BMAL2: variants seen among roughly 807,000 people sequenced by gnomAD.
BMAL2 encodes the protein basic helix-loop-helix ARNT-like protein 2.
chr12:27,347,256 A>G, the BMAL2 span, among the ~76,000 whole-genome samples: 1 of 152,150 alleles, frequency 6.6e-6, no homozygotes, highest in Admixed American at 6.5e-5. Context: ...TGGCTATTTT[A>G]TGTACATCAA....
At chr12:27,339,401 A>C in the BMAL2 span, among the ~76,000 whole-genome samples, 3 of 152,200 alleles carry the variant, frequency 2.0e-5, no homozygotes, top group African/African-American at 7.2e-5. Context: ...TGCTGTTGTG[A>C]ATAGTGCTGC....
chr12:27,410,187 C>T, the BMAL2 span, among the ~76,000 whole-genome samples: 2 of 152,054 alleles, frequency 1.3e-5, no homozygotes, highest in South Asian at 2.1e-4. Context: ...GTCAGTGTGG[C>T]GATTCCTCAG....
the BMAL2 span, among the ~76,000 whole-genome samples, chr12:27,367,511 C>G: frequency 2.0e-5 from 3 of 152,120 alleles, no homozygotes; most frequent in Admixed American, 6.5e-5. Flanking sequence ...AAAAAATTCT[C>G]AGAAGAAATA....
the BMAL2 span, among the ~76,000 whole-genome samples, chr12:27,388,354 T>A: frequency 6.6e-6 from 1 of 152,192 alleles, no homozygotes; most frequent in African/African-American, 2.4e-5. Flanking sequence ...CAGTTTTTTT[T>A]AGAATGAAAC....
chr12:27,337,155 C>T, the BMAL2 span, among the ~76,000 whole-genome samples: 3 of 151,632 alleles, frequency 2.0e-5, no homozygotes, highest in Non-Finnish European at 2.9e-5. Flanking sequence ...ACCATTACAG[C>T]GAGATTAAAA....
the BMAL2 span, among the ~76,000 whole-genome samples, chr12:27,419,938 C>T: frequency 2.0e-5 from 3 of 151,934 alleles, no homozygotes; most frequent in African/African-American, 7.3e-5. Flanking sequence ...ATGCTTCTGT[C>T]TCAGGCTTCT....
At chr12:27,340,964 T>C in the BMAL2 span, among the ~76,000 whole-genome samples, 2 of 152,224 alleles carry the variant, frequency 1.3e-5, no homozygotes, top group Non-Finnish European at 2.9e-5. Context: ...TTTTGTATCC[T>C]GAGACTTTGC....
the BMAL2 span, among the ~76,000 whole-genome samples, chr12:27,409,741 A>G: frequency 1.3e-5 from 2 of 151,776 alleles, no homozygotes; most frequent in South Asian, 4.1e-4. Flanking sequence ...AAAATTGACA[A>G]ATGGGATCTA....
chr12:27,410,651 A>C, the BMAL2 span, among the ~76,000 whole-genome samples: 6 of 152,152 alleles, frequency 3.9e-5, no homozygotes, highest in East Asian at 1.9e-4. Context: ...TGTTAAATGA[A>C]GAGTTAATGG....
At chr12:27,344,590 C>G in the BMAL2 span, among the ~76,000 whole-genome samples, 1 of 152,202 alleles carries the variant, frequency 6.6e-6, no homozygotes, top group East Asian at 1.9e-4. Context: ...TCAAGGAAGA[C>G]TCCGCTCTGC....
the BMAL2 span, among the ~76,000 whole-genome samples, chr12:27,364,083 A>C: frequency 2.0e-5 from 3 of 152,176 alleles, no homozygotes; most frequent in African/African-American, 7.2e-5. Context: ...TTCTTGCTGC[A>C]TCCTCACTTG....
chr12:27,382,420 A>C, the BMAL2 span, among the ~76,000 whole-genome samples: 1 of 152,174 alleles, frequency 6.6e-6, no homozygotes, highest in African/African-American at 2.4e-5. Flanking sequence ...CTGACTTAGG[A>C]AGAGATCGTC....
At chr12:27,370,178 C>T in the BMAL2 span, 2 of 1,614,002 alleles carry the variant, frequency 1.2e-6, no homozygotes, top group Non-Finnish European at 8.5e-7. Flanking sequence ...TCAGAATCCC[C>T]TTACCTATCT....
the BMAL2 span, among the ~76,000 whole-genome samples, chr12:27,406,392 C>A: frequency 6.6e-6 from 1 of 152,224 alleles, no homozygotes; most frequent in African/African-American, 2.4e-5. Flanking sequence ...AACAGCTGAT[C>A]TCTCAGCAGA....
chr12:27,333,953 G>C, the BMAL2 span, among the ~76,000 whole-genome samples: 1 of 152,230 alleles, frequency 6.6e-6, no homozygotes, highest in Non-Finnish European at 1.5e-5. Flanking sequence ...TAAGACAAAT[G>C]AGAGGCAGGA....
chr12:27,424,716 C>T, the BMAL2 span: 2 of 152,218 alleles, frequency 1.3e-5, no homozygotes, highest in Admixed American at 1.3e-4. Context: ...ATTGGAGACT[C>T]ATACTTGCCC....
the BMAL2 span, chr12:27,333,222 TCC>T: frequency 1.1e-5 from 10 of 929,426 alleles, no homozygotes; most frequent in Non-Finnish European, 1.3e-5. Context: ...CCCGCGCCTG[TCC>T]TCTCGGGCCG....
the BMAL2 span, among the ~76,000 whole-genome samples, chr12:27,419,027 T>G: frequency 2.0e-5 from 3 of 151,862 alleles, no homozygotes; most frequent in Non-Finnish European, 4.4e-5. Context: ...AGAATTCAGT[T>G]ATCAATGGAA....
the BMAL2 span, among the ~76,000 whole-genome samples, chr12:27,339,717 C>T: frequency 6.6e-6 from 1 of 152,004 alleles, no homozygotes; most frequent in Admixed American, 6.6e-5. Context: ...CTCCGCCTCC[C>T]GGGTTCATGC....
Sources: allele counts gnomAD v4.1 joint callset (sites outside exome capture counted in the v4.1 genomes callset), GRCh38; gene constraint gnomAD v4.1.1; transcripts MANE v1.5; gene names NCBI Gene and HGNC (gene_info 2026-07-23, HGNC 2026-07-21).